The following PLCL1 variants were observed in gnomAD, a reference collection of about 807,000 sequenced individuals.
PLCL1 encodes inactive phospholipase C-like protein 1.
A neutral mutation model predicts 84.4 loss-of-function variants in PLCL1; 41 were observed. The observed-to-expected ratio is 0.49, with a 90% CI of 0.38 to 0.63. The LOEUF is 0.63. PLCL1 is among the 30% of genes least tolerant of loss of function. The pLI, the probability that PLCL1 is intolerant of heterozygous loss-of-function variation, is 0.00. For missense variants in PLCL1, 1,206 were observed against 1,367.8 expected, an observed-to-expected ratio of 0.88 and a Z score of 1.87; for synonymous variants, 490 against 488.3, an observed-to-expected ratio of 1.00 and a Z score of -0.05.
intron 1 of PLCL1, among the ~76,000 whole-genome samples, chr2:198,046,703 G>A (rs1691808086): frequency 6.6e-6 from 1 of 152,054 alleles, no homozygotes; most frequent in African/African-American, 2.4e-5. Context: ...GCCCGGTATG[G>A]TGGTGTGTGC....
chr2:197,987,267 G>A (rs1690238018), intron 1 of PLCL1, among the ~76,000 whole-genome samples: 1 of 152,116 alleles, frequency 6.6e-6, no homozygotes, highest in Non-Finnish European at 1.5e-5. Context: ...CCTGTACATG[G>A]CTTTATTAAA....
At position 198,083,815 on chromosome 2, in the gene PLCL1, C is replaced by A; in HGVS notation, c.298C>A (p.Pro100Thr). ...GAAAACCGTGTCTTTCAGCAGCATG[C>A]CATCGGAAAAGAAAATTAGCAGTGC... is the stretch of plus-strand genomic sequence containing the variant. ...RKKTVSFSSM[P>T]SEKKISSAND... Residue 100 changes from proline to threonine, a missense_variant, in exon 2 of 6, where the codon CCA becomes ACA. By Grantham distance (38) the Pro-to-Thr change is conservative. Coordinates refer to ENST00000428675, the MANE Select transcript of PLCL1 (RefSeq NM_006226.4). 1 of 1,608,746 alleles carries A rather than the reference C, an allele frequency of 6.2e-7. No homozygotes were observed. The highest frequency in any genetic ancestry group is 1.3e-5 in the African/African-American group (1 of 74,846).
intron 1 of PLCL1, among the ~76,000 whole-genome samples, chr2:198,013,143 G>C (rs1434437065): frequency 6.6e-6 from 1 of 151,966 alleles, no homozygotes; most frequent in Non-Finnish European, 1.5e-5. Flanking sequence ...GATATGGTTG[G>C]CTTTGCACTT....
intron 1 of PLCL1, among the ~76,000 whole-genome samples, chr2:198,067,691 ACT>A (rs2105882451): frequency 6.6e-6 from 1 of 151,998 alleles, no homozygotes; most frequent in East Asian, 1.9e-4. Context: ...TTGGCATCTG[ACT>A]CTGCCACTGA....
rs954837749 is a variant in PLCL1, at chr2:197,857,680, G to A, written c.240+52341G>A. Among the ~76,000 whole-genome samples the A allele has an allele frequency of 2.0e-5, 3 of 152,230 alleles. No homozygotes were observed. The East Asian group carries it at 5.8e-4, about 29-fold the overall frequency. On this transcript the variant is annotated intron_variant, in intron 1 of 5. Coordinates refer to ENST00000428675, the MANE Select transcript of PLCL1 (RefSeq NM_006226.4). ...GCAGTGATGGGTCTAGCTGAACACA[G>A]AATGATTAATTACAAGTTATTAAAG...
intron 1 of PLCL1, among the ~76,000 whole-genome samples, chr2:197,819,266 C>T (rs535700200): frequency 6.6e-6 from 1 of 152,178 alleles, no homozygotes; most frequent in South Asian, 2.1e-4. Flanking sequence ...CACCCCCAGC[C>T]CTAGCCACTA....
At chr2:198,082,181 C>T (rs900194627) in intron 1 of PLCL1, among the ~76,000 whole-genome samples, 1 of 152,120 alleles carries the variant, frequency 6.6e-6, no homozygotes, top group African/African-American at 2.4e-5. Flanking sequence ...TCTTTTCAGT[C>T]TCACAATGAC....
chr2:197,821,647 T>TA (rs1234892837), intron 1 of PLCL1, among the ~76,000 whole-genome samples: 4 of 152,128 alleles, frequency 2.6e-5, no homozygotes, highest in Non-Finnish European at 5.9e-5. Context: ...AGTTTCTTTT[T>TA]AAGGAAGTGA....
At chr2:198,143,968 T>G (rs1460631444) in intron 5 of PLCL1, among the ~76,000 whole-genome samples, 1 of 152,130 alleles carries the variant, frequency 6.6e-6, no homozygotes, top group Non-Finnish European at 1.5e-5. Context: ...ATGATGTAGT[T>G]GTGTTAGTTA....
At chr2:198,115,299 G>A (rs1368960945) in intron 5 of PLCL1, among the ~76,000 whole-genome samples, 1 of 151,802 alleles carries the variant, frequency 6.6e-6, no homozygotes, top group African/African-American at 2.4e-5. Context: ...TTGGTTAGTG[G>A]ACACAAACAG....
chr2:197,919,824 G>C (rs1048885336), intron 1 of PLCL1, among the ~76,000 whole-genome samples: 1 of 152,194 alleles, frequency 6.6e-6, no homozygotes, highest in Non-Finnish European at 1.5e-5. Flanking sequence ...CTGATGACCT[G>C]TGTTGACCTT....
At chr2:198,073,437 T>A (rs1260039349) in intron 1 of PLCL1, among the ~76,000 whole-genome samples, 3 of 152,186 alleles carry the variant, frequency 2.0e-5, no homozygotes, top group African/African-American at 7.2e-5. Context: ...TGTTAGATAG[T>A]TCTAACCCAT....
chr2:197,826,828 A>T (rs1690939699), intron 1 of PLCL1, among the ~76,000 whole-genome samples: 1 of 152,172 alleles, frequency 6.6e-6, no homozygotes. Flanking sequence ...GAGTGAATAT[A>T]CCTAGGCCTG....
At chr2:197,942,833 G>T (rs1202291728) in intron 1 of PLCL1, among the ~76,000 whole-genome samples, 1 of 152,280 alleles carries the variant, frequency 6.6e-6, no homozygotes, top group East Asian at 1.9e-4. Flanking sequence ...AATAATCAAA[G>T]TTTATTGCAA....
intron 1 of PLCL1, among the ~76,000 whole-genome samples, chr2:198,049,236 G>A (rs1193508352): frequency 6.6e-6 from 1 of 152,206 alleles, no homozygotes; most frequent in Non-Finnish European, 1.5e-5. Context: ...CACATTCCTG[G>A]AGGGAAAGGA....
At chr2:198,123,156 A>T (rs1471920836) in intron 5 of PLCL1, among the ~76,000 whole-genome samples, 1 of 152,126 alleles carries the variant, frequency 6.6e-6, no homozygotes, top group Non-Finnish European at 1.5e-5. Flanking sequence ...AAGCAGAGAG[A>T]TAGATGCTCA....
At chr2:197,961,007 C>A (rs989520844) in intron 1 of PLCL1, among the ~76,000 whole-genome samples, 1 of 151,950 alleles carries the variant, frequency 6.6e-6, no homozygotes, top group Non-Finnish European at 1.5e-5. Flanking sequence ...GGAATGTTTC[C>A]AAATTTTATT....
rs141033033 is a variant in PLCL1, at chr2:197,826,925, C to T, written c.240+21586C>T. ...GAATAGCACCACTATCCTCAGTTGC[C>T]CTTGCTAGCAATCTGGATGTCATCT... On this transcript the variant is annotated intron_variant, in intron 1 of 5. Coordinates refer to ENST00000428675, the MANE Select transcript of PLCL1 (RefSeq NM_006226.4). 2.7e-3 allele frequency among the ~76,000 whole-genome samples: 415 copies of T among 152,258 alleles called. 5 individuals carry two copies. The highest frequency in any genetic ancestry group is 9.5e-3 in the African/African-American group (394 of 41,574).
At position 198,111,343 on chromosome 2, in the gene PLCL1, A is replaced by G. The variant is rs538346395; in HGVS notation, c.3105+7407A>G. Among the ~76,000 whole-genome samples, 4 of 151,964 alleles carry G rather than the reference A, an allele frequency of 2.6e-5. No homozygotes were observed. The South Asian group carries it at 8.3e-4, about 31-fold the overall frequency. On this transcript the variant is annotated intron_variant, in intron 5 of 5. Transcript: ENST00000428675. ...AAAAGCTTCTGCCCAGTAGAGTCACATGTCCCTTCCACTCACATTTGACTG... is the reference window on the plus strand; with the variant it reads ...AAAAGCTTCTGCCCAGTAGAGTCACGTGTCCCTTCCACTCACATTTGACTG...
Sources: gnomAD v4.1 joint callset for allele counts (sites outside exome capture counted in the v4.1 genomes callset) on GRCh38, gnomAD v4.1.1 for gene constraint, MANE v1.5 for transcripts, NCBI Gene and HGNC (gene_info 2026-07-23, HGNC 2026-07-21) for gene names.